The following ATCAY variants were observed in gnomAD, a reference collection of about 807,000 sequenced individuals.
ATCAY encodes the protein caytaxin.
ATCAY carries 22 observed loss-of-function variants against 47.7 expected under a neutral mutation model. That is an observed-to-expected ratio of 0.46 (90% CI 0.33 to 0.66). ATCAY has a LOEUF of 0.66. Among genes scored for constraint, ATCAY ranks in the 30% least tolerant of loss-of-function variants. ATCAY has a pLI of 0.02. For synonymous variants in ATCAY, 216 were observed against 207.6 expected, an observed-to-expected ratio of 1.04 and a Z score of -0.35; for missense variants, 452 against 515.0, an observed-to-expected ratio of 0.88 and a Z score of 1.18.
At position 3,880,963 on chromosome 19, in the gene ATCAY, C is replaced by T. The variant is rs1489619024; in HGVS notation, c.-87C>T. 1 of 152,256 alleles carries T rather than the reference C, an allele frequency of 6.6e-6. No homozygotes were observed. Among genetic ancestry groups the T allele is most frequent in the Admixed American group, 6.5e-5 (1 of 15,272 alleles). The allele number at this position is 152,256 out of a possible 1,614,324, so 9.4% of individuals were successfully genotyped here. On this transcript the variant is annotated 5_prime_UTR_variant, in exon 1 of 13. Transcript: ENST00000450849. ...TGCCCAGCTGCACCCGGGCAGGGCT[C>T]GCCTTTGTTTGCCAGTAAGGAGGAG... is the stretch of plus-strand genomic sequence containing the variant.
chr19:3,909,891 C>A (rs964253125), intron 7 of ATCAY, among the ~76,000 whole-genome samples: 1 of 152,174 alleles, frequency 6.6e-6, no homozygotes, highest in Non-Finnish European at 1.5e-5. Context: ...TCAAGACCAG[C>A]CCGGCCAACA....
Position 3,925,620 on chromosome 19 carries a change from A to G in ATCAY, c.*1028A>G, listed in dbSNP as rs1022677650. ...TGTTCGGGAGGCAAATTTCCCTAGGAAAAAGAAGACAGACTTTTCTAATGT... is the reference window on the plus strand; with the variant it reads ...TGTTCGGGAGGCAAATTTCCCTAGGGAAAAGAAGACAGACTTTTCTAATGT... On this transcript the variant is annotated 3_prime_UTR_variant, in exon 13 of 13. Coordinates refer to ENST00000450849, the MANE Select transcript of ATCAY (RefSeq NM_033064.5). The surrounding 1 kb of genome is among the most constrained non-coding windows in gnomAD (Gnocchi z 4.4). 6.6e-5 allele frequency: 10 copies of G among 152,258 alleles called. No homozygotes were observed. Among genetic ancestry groups the G allele is most frequent in the African/African-American group, 2.4e-4 (10 of 41,470 alleles). The allele number at this position is 152,258 out of a possible 1,614,324, so 9.4% of individuals were successfully genotyped here. A position where few individuals can be genotyped will look rare whatever the true frequency, so the allele number is the denominator to read the frequency against.
In ATCAY at chr19:3,926,544, C is replaced by T. The variant is rs1437001067; in HGVS notation, c.*1952C>T. The T allele has an allele frequency of 1.3e-5, 2 of 152,200 alleles. No individual in the cohort carries two copies. Among genetic ancestry groups the T allele is most frequent in the East Asian group, 3.9e-4 (2 of 5,186 alleles). 9.4% of individuals were successfully genotyped at this position (152,200 alleles called of 1,614,324 possible). On this transcript the variant is annotated 3_prime_UTR_variant, in exon 13 of 13. Transcript: ENST00000450849. ...GTGAAAGCGTCCAGTGCATCTTGAC[C>T]TGAGACAGCAAGGAATTGCATTTGG...
At chr19:3,883,673 C>T (rs369051080) in intron 1 of ATCAY, among the ~76,000 whole-genome samples, 1 of 152,096 alleles carries the variant, frequency 6.6e-6, no homozygotes, top group African/African-American at 2.4e-5. Context: ...TAGACAATGC[C>T]AAGTGTCCCC....
chr19:3,893,171 C>CT lies in ATCAY; in HGVS notation c.77+7347dup, dbSNP rs34910855. ...ATCTTGCATGTGGGGGGGACCCCCA[C>CT]TTTTTTTTTTTTTTTTTTTTGAGAC... On this transcript the variant is annotated intron_variant, in intron 2 of 12. Transcript: ENST00000450849. Among the ~76,000 whole-genome samples the CT allele has an allele frequency of 4.8e-3, 536 of 111,842 alleles. 3 individuals are homozygous for CT. The highest frequency in any genetic ancestry group is 0.021 in the East Asian group (77 of 3,738). The allele number at this position is 111,842 out of a possible 152,430, so 73.4% of individuals were successfully genotyped here. A position where few individuals can be genotyped will look rare whatever the true frequency, so the allele number is the denominator to read the frequency against.
chr19:3,894,262 G>A (rs552583920), intron 2 of ATCAY, among the ~76,000 whole-genome samples: 1 of 151,836 alleles, frequency 6.6e-6, no homozygotes, highest in South Asian at 2.1e-4. Flanking sequence ...AGGCGGGCAG[G>A]TCACGAGGTC....
intron 10 of ATCAY, 42 bp downstream of exon 10, chr19:3,917,819 C>CG (rs761094085): frequency 3.8e-6 from 6 of 1,597,220 alleles, no homozygotes; most frequent in Admixed American, 1.7e-5. Context: ...GTCGGGGCAG[C>CG]GGGGGGCTGA....
chr19:3,885,102 T>C lies in ATCAY; in HGVS notation c.-41-625T>C, dbSNP rs538669210. ...CAGGCAACAGAGCAAGATCATGTTTTTTTTTTTAAAAAAAAAAAAAAAAAA... is the reference window on the plus strand; with the variant it reads ...CAGGCAACAGAGCAAGATCATGTTTCTTTTTTTAAAAAAAAAAAAAAAAAA... On this transcript the variant is annotated intron_variant, in intron 1 of 12. Coordinates refer to ENST00000450849, the MANE Select transcript of ATCAY (RefSeq NM_033064.5). 4.4e-3 allele frequency among the ~76,000 whole-genome samples: 527 copies of C among 119,408 alleles called. 1 individual carries two copies. The highest frequency in any genetic ancestry group is 6.3e-3 in the Non-Finnish European group (360 of 57,040). 78.3% of individuals were successfully genotyped at this position (119,408 alleles called of 152,430 possible). A position where few individuals can be genotyped will look rare whatever the true frequency, so the allele number is the denominator to read the frequency against.
intron 1 of ATCAY, among the ~76,000 whole-genome samples, chr19:3,884,339 G>A (rs2038628377): frequency 6.6e-6 from 1 of 151,864 alleles, no homozygotes; most frequent in Non-Finnish European, 1.5e-5. Flanking sequence ...AAAGATGAGG[G>A]TCTCCTTTCT....
At chr19:3,899,122 G>A (rs1225241119) in intron 2 of ATCAY, among the ~76,000 whole-genome samples, 1 of 152,086 alleles carries the variant, frequency 6.6e-6, no homozygotes, top group African/African-American at 2.4e-5. Context: ...GGAGGAGGGT[G>A]ACATCTGATT....
chr19:3,882,956 A>ATT lies in ATCAY; in HGVS notation c.-42+1957_-42+1958dup, dbSNP rs113348359. ...ACCATTGTGCTTGGTTAGTTTTTGT[A>ATT]TTTTTTTTTTGAGAGATGGGGTCTT... On this transcript the variant is annotated intron_variant, in intron 1 of 12. Coordinates refer to ENST00000450849, the MANE Select transcript of ATCAY (RefSeq NM_033064.5). Among the ~76,000 whole-genome samples, 470 of 143,490 alleles carry ATT rather than the reference A, an allele frequency of 3.3e-3. 2 individuals are homozygous for ATT. Among genetic ancestry groups the ATT allele is most frequent in the African/African-American group, 0.011 (438 of 39,320 alleles). The allele number at this position is 143,490 out of a possible 152,430, so 94.1% of individuals were successfully genotyped here. A position where few individuals can be genotyped will look rare whatever the true frequency, so the allele number is the denominator to read the frequency against.
intron 2 of ATCAY, among the ~76,000 whole-genome samples, chr19:3,887,353 C>T (rs1444021629): frequency 6.6e-6 from 1 of 151,710 alleles, no homozygotes; most frequent in Non-Finnish European, 1.5e-5. Flanking sequence ...AGCTACTTGG[C>T]AGGCTGAGAC....
At chr19:3,921,123 G>C (rs538953585) in intron 12 of ATCAY, among the ~76,000 whole-genome samples, 8 of 152,248 alleles carry the variant, frequency 5.3e-5, no homozygotes, top group Admixed American at 2.0e-4. Context: ...CCCACACAGA[G>C]CCAAGCTCCC....
At chr19:3,887,766 G>C (rs182294314) in intron 2 of ATCAY, among the ~76,000 whole-genome samples, 2 of 149,584 alleles carry the variant, frequency 1.3e-5, no homozygotes, top group Non-Finnish European at 1.5e-5. Flanking sequence ...GATTACAGGC[G>C]TGAGCCATCG....
intron 1 of ATCAY, among the ~76,000 whole-genome samples, chr19:3,882,877 C>G (rs891485487): frequency 6.6e-6 from 1 of 151,956 alleles, no homozygotes; most frequent in African/African-American, 2.4e-5. Context: ...TCTTGACCTT[C>G]TGGGCTCAAT....
intron 2 of ATCAY, among the ~76,000 whole-genome samples, chr19:3,897,833 G>A (rs2038782971): frequency 1.3e-5 from 2 of 152,036 alleles, no homozygotes; most frequent in African/African-American, 2.4e-5. Context: ...GCCTAAACCC[G>A]GGAGATGGAG....
intron 2 of ATCAY, among the ~76,000 whole-genome samples, chr19:3,891,283 C>T (rs1033152274): frequency 1.6e-4 from 24 of 152,146 alleles, no homozygotes; most frequent in African/African-American, 5.5e-4. Context: ...AACTCCTAAC[C>T]TCAAGTGATT....
chr19:3,913,320 C>T (rs2145255916), intron 8 of ATCAY, among the ~76,000 whole-genome samples: 1 of 152,262 alleles, frequency 6.6e-6, no homozygotes, highest in East Asian at 1.9e-4. Flanking sequence ...CAATGGGCAG[C>T]CCCGTGTGCC....
chr19:3,897,724 G>A lies in ATCAY; in HGVS notation c.78-4763G>A, dbSNP rs10412405. The stretch of plus-strand genomic sequence containing the variant: ...GGAGTTCGAGACCAGCCTGGCCAAC[G>A]TGGTGAAACCCCATCTCTACTAAAA... On this transcript the variant is annotated intron_variant, in intron 2 of 12. Transcript: ENST00000450849. Among the ~76,000 whole-genome samples, 1,433 of 151,994 alleles carry A rather than the reference G, an allele frequency of 9.4e-3. 18 individuals carry two copies. Among genetic ancestry groups the A allele is most frequent in the African/African-American group, 0.032 (1,347 of 41,500 alleles).
Sources: gnomAD v4.1 joint callset for allele counts (sites outside exome capture counted in the v4.1 genomes callset) on GRCh38, gnomAD v4.1.1 for gene constraint, Gnocchi (gnomAD v3.1) non-coding constraint, MANE v1.5 for transcripts, NCBI Gene and HGNC (gene_info 2026-07-23, HGNC 2026-07-21) for gene names.